DAB1: variants seen among roughly 807,000 people sequenced by gnomAD.
DAB1 encodes the protein disabled homolog 1.
In DAB1, 15 loss-of-function variants were observed where a neutral mutation model predicts 64.6. That is an observed-to-expected ratio of 0.23 (90% CI 0.16 to 0.36). The LOEUF (loss-of-function observed/expected upper bound fraction) is 0.36, where lower values mean the gene tolerates loss of function less well. Ranked by LOEUF, DAB1 falls within the 10% of genes least tolerant of loss-of-function variation. The pLI, the probability that DAB1 is intolerant of heterozygous loss-of-function variation, is 1.00. For synonymous variants in DAB1, 235 were observed against 251.9 expected (o/e 0.93, Z 0.64); for missense variants, 596 against 706.7 (o/e 0.84, Z 1.78).
intron 3 of DAB1, among the ~76,000 whole-genome samples, chr1:57,144,287 A>G (rs1658894049): frequency 6.6e-6 from 1 of 152,126 alleles, no homozygotes; most frequent in South Asian, 2.1e-4. Context: ...TTTTTTCAAT[A>G]TTTTATAACT....
chr1:57,831,890 T>C (rs1005665095), intron 1 of DAB1, among the ~76,000 whole-genome samples: 1 of 152,156 alleles, frequency 6.6e-6, no homozygotes, highest in Admixed American at 6.6e-5. Flanking sequence ...ACCAAGAACA[T>C]ACTATGTGCA....
At chr1:57,084,725 C>A (rs1278806666) in intron 4 of DAB1, among the ~76,000 whole-genome samples, 1 of 151,992 alleles carries the variant, frequency 6.6e-6, no homozygotes, top group African/African-American at 2.4e-5. Flanking sequence ...AATAACAAAC[C>A]TTTTTGTTTT....
At chr1:57,663,438 A>T (rs1646410664) in intron 6 of DAB1, among the ~76,000 whole-genome samples, 1 of 152,236 alleles carries the variant, frequency 6.6e-6, no homozygotes, top group African/African-American at 2.4e-5. Flanking sequence ...CATTAGTAAA[A>T]GGTTAAGATG....
intron 4 of DAB1, among the ~76,000 whole-genome samples, chr1:58,166,216 A>G (rs1035461310): frequency 6.6e-6 from 1 of 152,210 alleles, no homozygotes; most frequent in Non-Finnish European, 1.5e-5. Flanking sequence ...TACAATTCCA[A>G]GATTTTCAGT....
chr1:58,470,179 T>C (rs1310002184), intron 3 of DAB1, among the ~76,000 whole-genome samples: 1 of 151,566 alleles, frequency 6.6e-6, no homozygotes, highest in East Asian at 1.9e-4. Context: ...ATTTTATTTA[T>C]TTATTTATTT....
chr1:58,280,359 A>T (rs1234508150), intron 4 of DAB1, among the ~76,000 whole-genome samples: 1 of 152,182 alleles, frequency 6.6e-6, no homozygotes, highest in Admixed American at 6.5e-5. Context: ...TAGCATGGGG[A>T]TCATCAGAAT....
intron 1 of DAB1, among the ~76,000 whole-genome samples, chr1:57,382,708 C>T (rs538823716): frequency 5.9e-5 from 9 of 152,110 alleles, no homozygotes; most frequent in Admixed American, 3.3e-4. Context: ...TCTTTGCAGC[C>T]GGGGAAAGGT....
chr1:57,597,943 T>C (rs577260984), intron 7 of DAB1, among the ~76,000 whole-genome samples: 4 of 152,212 alleles, frequency 2.6e-5, no homozygotes, highest in African/African-American at 9.6e-5. Context: ...CTTGGGTATG[T>C]ATCCACATTT....
intron 5 of DAB1, among the ~76,000 whole-genome samples, chr1:57,948,008 T>C (rs1645209020): frequency 6.6e-6 from 1 of 152,186 alleles, no homozygotes; most frequent in South Asian, 2.1e-4. Context: ...ATGGTACTTC[T>C]TACCTCCATG....
intron 4 of DAB1, among the ~76,000 whole-genome samples, chr1:58,322,300 G>A (rs535694356): frequency 2.0e-5 from 3 of 152,252 alleles, no homozygotes; most frequent in East Asian, 3.9e-4. Flanking sequence ...AGAGTGAACA[G>A]GCAAGCTACA....
At chr1:57,719,118 C>T (rs1005359346) in intron 6 of DAB1, among the ~76,000 whole-genome samples, 2 of 152,164 alleles carry the variant, frequency 1.3e-5, no homozygotes, top group Non-Finnish European at 2.9e-5. Context: ...CAACTATTAT[C>T]CATTATTCAA....
chr1:58,434,834 C>T (rs1298264932), intron 3 of DAB1, among the ~76,000 whole-genome samples: 1 of 152,160 alleles, frequency 6.6e-6, no homozygotes, highest in Non-Finnish European at 1.5e-5. Context: ...TCTCAAACTT[C>T]CTGAAAAATA....
chr1:57,367,981 T>A (rs1451613603), intron 1 of DAB1, among the ~76,000 whole-genome samples: 1 of 152,170 alleles, frequency 6.6e-6, no homozygotes, highest in Non-Finnish European at 1.5e-5. Flanking sequence ...CCTGCCCTCT[T>A]GGAGGCCCAG....
chr1:57,071,478 T>C (rs758162911), intron 6 of DAB1, 44 bp downstream of exon 6: 1 of 1,587,982 alleles, frequency 6.3e-7, no homozygotes, highest in Non-Finnish European at 8.5e-7. Flanking sequence ...ATGTGTTTAT[T>C]TGAAGGCCCG....
chr1:58,442,737 G>A (rs536873055), intron 3 of DAB1, among the ~76,000 whole-genome samples: 19 of 152,188 alleles, frequency 1.2e-4, no homozygotes, highest in African/African-American at 4.6e-4. Context: ...ATGGGAATAT[G>A]GGCCTGGCAT....
intron 3 of DAB1, among the ~76,000 whole-genome samples, chr1:58,370,429 A>G (rs1644255643): frequency 1.3e-5 from 2 of 148,754 alleles, no homozygotes; most frequent in Non-Finnish European, 3.0e-5. Context: ...ATGCTAAGGC[A>G]TTTTTTAAAA....
intron 3 of DAB1, among the ~76,000 whole-genome samples, chr1:58,351,296 GCATGGTTACAACC>G (rs1279073578): frequency 6.6e-6 from 1 of 152,100 alleles, no homozygotes; most frequent in Non-Finnish European, 1.5e-5. Flanking sequence ...ATAAACCCAT[GCATGGTTACAACC>G]ACTACTTTCA....
chr1:57,288,855 T>C lies in DAB1; in HGVS notation c.67+2109A>G, dbSNP rs530436776. ...CAGCTAACCTTTGTTAAGCATTTAA[T>C]ACATGCCAAGTAATAAGTATTTTAT... is the stretch of plus-strand genomic sequence containing the variant. On this transcript the variant is annotated intron_variant, in intron 2 of 14. Transcript: ENST00000371236. Among the ~76,000 whole-genome samples the C allele has an allele frequency of 2.0e-3, 304 of 152,304 alleles. 1 individual carries two copies. The highest frequency in any genetic ancestry group is 7.1e-3 in the African/African-American group (296 of 41,560).
intron 4 of DAB1, among the ~76,000 whole-genome samples, chr1:58,166,124 C>G (rs745360880): frequency 6.6e-6 from 1 of 152,170 alleles, no homozygotes; most frequent in African/African-American, 2.4e-5. Flanking sequence ...AATGACTATA[C>G]ATCAAGCTAG....
Sources: gnomAD v4.1 joint callset for allele counts (sites outside exome capture counted in the v4.1 genomes callset) on GRCh38, gnomAD v4.1.1 for gene constraint, MANE v1.5 for transcripts, NCBI Gene and HGNC (gene_info 2026-07-23, HGNC 2026-07-21) for gene names.